The following PRKG1 variants were observed in gnomAD, a reference collection of about 807,000 sequenced individuals.
The protein encoded by PRKG1 is protein kinase cGMP-dependent 1.
In PRKG1, 35 loss-of-function variants were observed where a neutral mutation model predicts 88.1. That is an observed-to-expected ratio of 0.40 (90% CI 0.30 to 0.53). The LOEUF is 0.53. Ranked by LOEUF, PRKG1 falls within the 20% of genes least tolerant of loss-of-function variation. The pLI is 0.59. For synonymous variants in PRKG1, 303 were observed against 292.5 expected (o/e 1.04, Z -0.37); for missense variants, 540 against 839.8 (o/e 0.64, Z 4.41).
chr10:51,999,796 A>G (rs1394550499), intron 5 of PRKG1, among the ~76,000 whole-genome samples: 1 of 152,136 alleles, frequency 6.6e-6, no homozygotes, highest in Non-Finnish European at 1.5e-5. Context: ...TATAATTTGT[A>G]TATCTCCATG....
At chr10:51,960,934 T>C (rs1564729261) in intron 5 of PRKG1, among the ~76,000 whole-genome samples, 1 of 152,168 alleles carries the variant, frequency 6.6e-6, no homozygotes, top group Non-Finnish European at 1.5e-5. Flanking sequence ...TCAGGCGTGA[T>C]TGTTGCTTTT....
chr10:51,031,562 T>A (rs116456914), intron 1 of PRKG1, among the ~76,000 whole-genome samples: 242 of 152,298 alleles, frequency 1.6e-3, no homozygotes, highest in African/African-American at 5.5e-3. Flanking sequence ...ACGTATTTAT[T>A]GAGTGGCCAG....
intron 6 of PRKG1, among the ~76,000 whole-genome samples, 159 bp downstream of exon 6, chr10:52,054,720 G>A (rs1589562868): frequency 6.6e-6 from 1 of 152,018 alleles, no homozygotes; most frequent in Non-Finnish European, 1.5e-5. Flanking sequence ...AATGATGCAG[G>A]AGGGAAAAAA....
intron 4 of PRKG1, among the ~76,000 whole-genome samples, chr10:51,821,265 A>C (rs1294970724): frequency 6.6e-6 from 1 of 152,114 alleles, no homozygotes; most frequent in Non-Finnish European, 1.5e-5. Context: ...GGGCATTTGG[A>C]TTATTGCCAT....
intron 3 of PRKG1, among the ~76,000 whole-genome samples, chr10:51,643,039 G>A (rs1181069438): frequency 3.9e-5 from 6 of 151,978 alleles, no homozygotes; most frequent in South Asian, 2.1e-4. Context: ...AGAAAGCCCC[G>A]GGATTTCAGA....
At chr10:51,367,582 G>A (rs112733023) in intron 2 of PRKG1, among the ~76,000 whole-genome samples, 53 of 151,896 alleles carry the variant, frequency 3.5e-4, no homozygotes, top group African/African-American at 1.2e-3. Context: ...TTCTTGTTGC[G>A]TCTGTCCCCC....
chr10:51,118,411 A>G (rs1845180622), intron 1 of PRKG1, among the ~76,000 whole-genome samples: 1 of 152,166 alleles, frequency 6.6e-6, no homozygotes, highest in African/African-American at 2.4e-5. Context: ...AGACAGTTAA[A>G]ATGGTTCTAA....
rs371009474 is a variant in PRKG1, at chr10:51,703,521, T to C, written c.593-101064T>C. The stretch of plus-strand genomic sequence containing the variant: ...GTAACTCCTTTACCTTTCAGCAAAA[T>C]TGTGATTTTCCTTCTAAACTGTAAA... On this transcript the variant is annotated intron_variant, in intron 3 of 17. Transcript: ENST00000373980. 2.6e-5 allele frequency among the ~76,000 whole-genome samples: 4 copies of C among 152,336 alleles called. No homozygotes were observed. In the East Asian group the frequency reaches 5.8e-4, roughly 22 times the overall value.
rs967618269 is a variant in PRKG1, at chr10:51,946,263, C to G, written c.762+38693C>G. ...CCAGTTGATCGCATCGGCTCCTGAG[C>G]CTTCTGCATTCTTCCCATAGTTCTC... On this transcript the variant is annotated intron_variant, in intron 5 of 17. Coordinates refer to ENST00000373980, the MANE Select transcript of PRKG1 (RefSeq NM_006258.4). 4.6e-5 allele frequency among the ~76,000 whole-genome samples: 7 copies of G among 152,064 alleles called. 1 individual carries two copies. The highest frequency in any genetic ancestry group is 1.7e-4 in the African/African-American group (7 of 41,334).
At chr10:51,935,898 A>C (rs1842790472) in intron 5 of PRKG1, among the ~76,000 whole-genome samples, 1 of 152,092 alleles carries the variant, frequency 6.6e-6, no homozygotes, top group East Asian at 1.9e-4. Flanking sequence ...CAAATGATCT[A>C]AAATGTATGG....
At chr10:52,004,029 A>G (rs1401751753) in intron 5 of PRKG1, among the ~76,000 whole-genome samples, 2 of 146,288 alleles carry the variant, frequency 1.4e-5, no homozygotes, top group Non-Finnish European at 2.9e-5. Context: ...TGTATATATA[A>G]TGTTTAGTAT....
At chr10:51,582,605 T>TG (rs1838068303) in intron 3 of PRKG1, among the ~76,000 whole-genome samples, 2 of 152,168 alleles carry the variant, frequency 1.3e-5, no homozygotes, top group Non-Finnish European at 2.9e-5. Flanking sequence ...GCTTCCAGCT[T>TG]CATCCATGTT....
rs1465408695 is a variant in PRKG1 at position 52,288,915 on chromosome 10, A to G, written c.1833-16A>G. ...TGAAAAAATTAGATTTAATAAAACC[A>G]TTATTTTATTTTTAGGGACAATCCA... is the stretch of plus-strand genomic sequence containing the variant. On this transcript the variant is annotated splice_polypyrimidine_tract_variant and intron_variant, in intron 15 of 17. Transcript: ENST00000373980. 1 of 1,599,228 alleles carries G rather than the reference A, an allele frequency of 6.3e-7. No individual in the cohort carries two copies. Among genetic ancestry groups the G allele is most frequent in the East Asian group, 2.2e-5 (1 of 44,762 alleles).
At chr10:51,025,503 C>T (rs1483519303) in intron 1 of PRKG1, among the ~76,000 whole-genome samples, 1 of 152,154 alleles carries the variant, frequency 6.6e-6, no homozygotes, top group Non-Finnish European at 1.5e-5. Context: ...GGCTGAGAAG[C>T]TCCTTAAGGA....
intron 6 of PRKG1, among the ~76,000 whole-genome samples, chr10:52,059,436 GA>G (rs11341983): frequency 0.98 from 149,115 of 151,934 alleles, 73,220 homozygotes; most frequent in Middle Eastern, 1. Context: ...TTCATTCAAT[GA>G]AAATATTAGT....
intron 2 of PRKG1, among the ~76,000 whole-genome samples, chr10:51,448,039 G>A (rs573752847): frequency 6.6e-6 from 1 of 151,972 alleles, no homozygotes; most frequent in Admixed American, 6.6e-5. Flanking sequence ...GAATTAGCCT[G>A]GGTAACATAG....
chr10:51,907,824 G>T, intron 5 of PRKG1: 1 of 387,494 alleles, frequency 2.6e-6, no homozygotes, highest in Non-Finnish European at 4.6e-6. Flanking sequence ...ATGTTACTTT[G>T]ACTTACTAGA....
chr10:52,045,675 C>G (rs1436264124), intron 5 of PRKG1, among the ~76,000 whole-genome samples: 1 of 151,884 alleles, frequency 6.6e-6, no homozygotes, highest in Admixed American at 6.6e-5. Context: ...GGCTCTCTAT[C>G]CAGAAGTCTT....
chr10:52,105,351 A>ACAT (rs1262169911), intron 7 of PRKG1, among the ~76,000 whole-genome samples: 1 of 152,236 alleles, frequency 6.6e-6, no homozygotes, highest in African/African-American at 2.4e-5. Context: ...CTTTGTAAAC[A>ACAT]CATCTCCAAG....
Sources: gnomAD v4.1 joint callset for allele counts (sites outside exome capture counted in the v4.1 genomes callset) on GRCh38, gnomAD v4.1.1 for gene constraint, MANE v1.5 for transcripts, NCBI Gene and HGNC (gene_info 2026-07-23, HGNC 2026-07-21) for gene names.